The following TSC22D1 variants were observed in gnomAD, a reference collection of about 807,000 sequenced individuals.
TSC22D1 encodes the protein TSC22 domain family protein 1.
Under a neutral mutation model 74.2 loss-of-function variants are expected in TSC22D1, and 9 were observed. That is an observed-to-expected ratio of 0.12 (90% CI 0.07 to 0.21). The LOEUF (loss-of-function observed/expected upper bound fraction) is 0.21, where lower values mean the gene tolerates loss of function less well. TSC22D1 is among the 10% of genes least tolerant of loss of function. The pLI, the probability that TSC22D1 is intolerant of heterozygous loss-of-function variation, is 1.00. For synonymous variants in TSC22D1, 586 were observed against 492.5 expected (o/e 1.19, Z -2.51); for missense variants, 1,427 against 1,304.7 (o/e 1.09, Z -1.44).
chr13:44,558,241 C>T (rs930169648), intron 1 of TSC22D1, among the ~76,000 whole-genome samples: 1 of 152,202 alleles, frequency 6.6e-6, no homozygotes, highest in Non-Finnish European at 1.5e-5. Flanking sequence ...GGAATACTGA[C>T]TAGCTCCATC....
intron 2 of TSC22D1, among the ~76,000 whole-genome samples, chr13:44,435,624 G>C (rs775281870): frequency 6.6e-6 from 1 of 152,166 alleles, no homozygotes; most frequent in Non-Finnish European, 1.5e-5. Flanking sequence ...GCACCGTCTA[G>C]AAGACCCTTA....
chr13:44,509,950 C>CAAAAAAAAAAAAAAAAAAAAAGAA (rs1879625178), intron 1 of TSC22D1, among the ~76,000 whole-genome samples: 4 of 51,424 alleles, frequency 7.8e-5, no homozygotes, highest in Non-Finnish European at 1.1e-4. Context: ...AGAAAATAAG[C>CAAAAAAAAAAAAAAAAAAAAAGAA]AAAAAAAAAA....
At chr13:44,544,637 A>G (rs1881702594) in intron 1 of TSC22D1, among the ~76,000 whole-genome samples, 2 of 152,196 alleles carry the variant, frequency 1.3e-5, no homozygotes, top group African/African-American at 4.8e-5. Flanking sequence ...GTAATTTCCT[A>G]AAAGAGAAGA....
chr13:44,567,754 AAG>A (rs926155866), intron 1 of TSC22D1, among the ~76,000 whole-genome samples: 1 of 152,084 alleles, frequency 6.6e-6, no homozygotes, highest in Non-Finnish European at 1.5e-5. Flanking sequence ...AGAGGAGTTT[AAG>A]AGAGAAAAAA....
At chr13:44,509,955 A>AAAAAAAAAAAAAAAAAAT (rs1321727201) in intron 1 of TSC22D1, among the ~76,000 whole-genome samples, 1 of 148,564 alleles carries the variant, frequency 6.7e-6, no homozygotes, top group Non-Finnish European at 1.5e-5. Flanking sequence ...ATAAGCAAAA[A>AAAAAAAAAAAAAAAAAAT]AAAAAAAAAA....
intron 1 of TSC22D1, among the ~76,000 whole-genome samples, chr13:44,545,443 T>C (rs1881759659): frequency 6.6e-6 from 1 of 152,164 alleles, no homozygotes; most frequent in Non-Finnish European, 1.5e-5. Flanking sequence ...GATCTCTAAA[T>C]TGCTCTAACA....
chr13:44,533,856 T>C (rs976754961), intron 1 of TSC22D1, among the ~76,000 whole-genome samples: 16 of 152,338 alleles, frequency 1.1e-4, no homozygotes, highest in African/African-American at 3.1e-4. Context: ...TGCCAAGTTC[T>C]ATCACAAAGG....
intron 1 of TSC22D1, among the ~76,000 whole-genome samples, chr13:44,556,849 G>A (rs1388341677): frequency 1.3e-5 from 2 of 151,944 alleles, no homozygotes; most frequent in Non-Finnish European, 2.9e-5. Flanking sequence ...TAATGCAGAT[G>A]TCTAAGATTC....
chr13:44,462,438 T>C (rs917547746), intron 1 of TSC22D1, among the ~76,000 whole-genome samples: 1 of 152,192 alleles, frequency 6.6e-6, no homozygotes, highest in African/African-American at 2.4e-5. Flanking sequence ...GAAGTACTGA[T>C]ATATTTCTAA....
chr13:44,524,898 A>C (rs1404211939), intron 1 of TSC22D1, among the ~76,000 whole-genome samples: 1 of 152,200 alleles, frequency 6.6e-6, no homozygotes, highest in East Asian at 1.9e-4. Context: ...AAAAGAGAAA[A>C]AAATCCCTGT....
intron 1 of TSC22D1, among the ~76,000 whole-genome samples, chr13:44,542,416 T>C (rs1433238364): frequency 2.0e-5 from 3 of 152,150 alleles, no homozygotes; most frequent in East Asian, 3.9e-4. Flanking sequence ...GTTAAATGCA[T>C]CCAAATCTTT....
intron 1 of TSC22D1, among the ~76,000 whole-genome samples, chr13:44,456,205 G>A (rs191775363): frequency 2.6e-5 from 4 of 152,294 alleles, no homozygotes; most frequent in East Asian, 3.9e-4. Flanking sequence ...AAGATTTATC[G>A]CTAACAGTAA....
At position 44,566,420 on chromosome 13, in the gene TSC22D1, C is replaced by T. The variant is rs1883378085; in HGVS notation, c.2912+6743G>A. On this transcript the variant is annotated intron_variant, in intron 1 of 2. Transcript: ENST00000458659. ...TAAATATGGTAGACATTAACTGAAT[C>T]TAATACTAACATTTTTCATCACTTC... Among the ~76,000 whole-genome samples the T allele has an allele frequency of 2.6e-5, 4 of 152,168 alleles. No homozygotes were observed. In the South Asian group the frequency reaches 8.3e-4, roughly 32 times the overall value.
chr13:44,447,833 C>CTTTCT (rs1875808446), intron 1 of TSC22D1, among the ~76,000 whole-genome samples: 1 of 129,470 alleles, frequency 7.7e-6, no homozygotes, highest in Non-Finnish European at 1.6e-5. Flanking sequence ...AATGCCTTTT[C>CTTTCT]TTTTTTTTTT....
At chr13:44,455,472 G>A (rs1447254556) in intron 1 of TSC22D1, among the ~76,000 whole-genome samples, 2 of 152,182 alleles carry the variant, frequency 1.3e-5, no homozygotes, top group Admixed American at 1.3e-4. Flanking sequence ...GTGCATTTAA[G>A]AAACACTGTT....
At chr13:44,511,294 CA>C (rs1276949287) in intron 1 of TSC22D1, among the ~76,000 whole-genome samples, 1 of 151,590 alleles carries the variant, frequency 6.6e-6, no homozygotes, top group Non-Finnish European at 1.5e-5. Context: ...AAAAAAAAAC[CA>C]AAAAAAATTT....
chr13:44,557,596 G>A (rs1043367339), intron 1 of TSC22D1, among the ~76,000 whole-genome samples: 1 of 152,124 alleles, frequency 6.6e-6, no homozygotes, highest in Non-Finnish European at 1.5e-5. Context: ...TGAGTTCACA[G>A]GAAAATTATC....
In TSC22D1 at chr13:44,576,020, C is replaced by G. The variant is rs1480201639; in HGVS notation, c.55G>C (p.Ala19Pro). The G allele has an allele frequency of 6.3e-7, 1 of 1,587,446 alleles. No homozygotes were observed. Among genetic ancestry groups the G allele is most frequent in the Non-Finnish European group, 8.6e-7 (1 of 1,166,882 alleles). Residue 19 changes from alanine to proline, a missense_variant, in exon 1 of 3, where the codon GCT becomes CCT. Ala to Pro is a conservative substitution (Grantham distance 27). Around this residue, in one of 3 missense-constraint regions of TSC22D1, gnomAD observed 1,343 missense variants for 1,191.5 expected, o/e 1.13. Transcript: ENST00000458659. The part of the protein sequence containing the change: ...AAAAAAADIS[A>P]RKMAHPAMFP... ...ATTGCCGGGTGCGCCATCTTCCTAG[C>G]GCTAATGTCTGCAGCGGCGGCGGCC... is the stretch of plus-strand genomic sequence containing the variant.
chr13:44,547,237 A>C (rs1374334167), intron 1 of TSC22D1, among the ~76,000 whole-genome samples: 1 of 152,162 alleles, frequency 6.6e-6, no homozygotes, highest in African/African-American at 2.4e-5. Context: ...AATTTAGTCC[A>C]ATCTTTCTTT....
Sources: allele counts gnomAD v4.1 joint callset (sites outside exome capture counted in the v4.1 genomes callset), GRCh38; gene constraint gnomAD v4.1.1; regional missense constraint gnomAD v4.1.1; transcripts MANE v1.5; gene names NCBI Gene and HGNC (gene_info 2026-07-23, HGNC 2026-07-21).